PLB1: variants seen among roughly 807,000 people sequenced by gnomAD.
PLB1 encodes the protein phospholipase B1.
PLB1 carries 242 observed loss-of-function variants against 227.4 expected under a neutral mutation model. The ratio of observed to expected loss-of-function variants is 1.06; its 90% CI spans 0.96 to 1.18. The LOEUF is 1.18. Among genes scored for constraint, PLB1 ranks in the 50% most tolerant of loss-of-function variants. The pLI, the probability that PLB1 is intolerant of heterozygous loss-of-function variation, is 0.00. For synonymous variants in PLB1, 757 were observed against 682.2 expected (o/e 1.11, Z -1.71); for missense variants, 1,858 against 1,816.3 (o/e 1.02, Z -0.42).
intron 21 of PLB1, among the ~76,000 whole-genome samples, chr2:28,576,135 C>T (rs1023606114): frequency 6.6e-6 from 1 of 152,142 alleles, no homozygotes; most frequent in African/African-American, 2.4e-5. Context: ...GGGGCTCTTT[C>T]ATGCAAGCAA....
intron 20 of PLB1, among the ~76,000 whole-genome samples, chr2:28,567,674 A>C (rs529890867): frequency 6.6e-6 from 1 of 151,920 alleles, no homozygotes; most frequent in East Asian, 1.9e-4. Context: ...GGGTTTCACC[A>C]TGTTGGCCAG....
intron 43 of PLB1, among the ~76,000 whole-genome samples, chr2:28,611,187 A>G (rs925400976): frequency 2.0e-5 from 3 of 152,156 alleles, no homozygotes; most frequent in African/African-American, 4.8e-5. Context: ...TGTTCTTGCC[A>G]TGGCCTCAGT....
chr2:28,535,412 G>T (rs867688450), intron 9 of PLB1, among the ~76,000 whole-genome samples: 1 of 152,160 alleles, frequency 6.6e-6, no homozygotes, highest in Non-Finnish European at 1.5e-5. Flanking sequence ...CCTAGGCCTG[G>T]CTCCTTTGGC....
chr2:28,553,131 G>A, intron 17 of PLB1, 140 bp downstream of exon 17: 1 of 703,706 alleles, frequency 1.4e-6, no homozygotes, highest in Non-Finnish European at 2.5e-6. Context: ...TATTTGTAAA[G>A]CCATGGCTGT....
At chr2:28,626,583 C>T in intron 51 of PLB1, 75 bp downstream of exon 51, 1 of 1,351,476 alleles carries the variant, frequency 7.4e-7, no homozygotes, top group Non-Finnish European at 1.1e-6. Flanking sequence ...GCCCATCCAT[C>T]CCTGGCCCTG....
At chr2:28,635,055 A>T (rs1391442161) in intron 56 of PLB1, among the ~76,000 whole-genome samples, 1 of 152,178 alleles carries the variant, frequency 6.6e-6, no homozygotes, top group Non-Finnish European at 1.5e-5. Flanking sequence ...CAAAACGTAA[A>T]CACCGCACTG....
Position 28,578,139 on chromosome 2 carries a change from A to G in PLB1, c.1466A>G (p.Asp489Gly), listed in dbSNP as rs1679309471. ...CCTGTCCAGGCCAGGAGGCTGGTGG[A>G]CCTGATGAAGAATGACACGGTGGGT... ...DLPVQARRLV[D>G]LMKNDTRIHF... Residue 489 changes from aspartate to glycine, a missense_variant, in exon 22 of 58, where the codon GAC becomes GGC. Coordinates refer to ENST00000327757, the MANE Select transcript of PLB1 (RefSeq NM_153021.5). The G allele has an allele frequency of 6.2e-7, 1 of 1,613,992 alleles. No homozygotes were observed. The highest frequency in any genetic ancestry group is 8.5e-7 in the Non-Finnish European group (1 of 1,180,004).
At chr2:28,500,219 A>G (rs962247975) in intron 1 of PLB1, among the ~76,000 whole-genome samples, 20 of 152,326 alleles carry the variant, frequency 1.3e-4, no homozygotes, top group African/African-American at 4.6e-4. Context: ...TTCATCAAGA[A>G]TAGTTCTCTC....
intron 9 of PLB1, among the ~76,000 whole-genome samples, chr2:28,537,187 C>T (rs555520776): frequency 2.3e-4 from 35 of 152,142 alleles, no homozygotes; most frequent in Admixed American, 2.1e-3. Context: ...GAAACAGGGA[C>T]ACTGCATTTC....
chr2:28,624,804 A>G (rs951311378), intron 49 of PLB1, among the ~76,000 whole-genome samples: 2 of 150,824 alleles, frequency 1.3e-5, no homozygotes, highest in African/African-American at 4.9e-5. Context: ...GAAAGTCCTG[A>G]GGGGAGGCTT....
chr2:28,615,990 A>G (rs1686147293), intron 44 of PLB1, among the ~76,000 whole-genome samples: 1 of 152,254 alleles, frequency 6.6e-6, no homozygotes. Context: ...GACAAATACT[A>G]CATGTTCTCA....
At chr2:28,568,856 C>T (rs1677514839) in intron 20 of PLB1, among the ~76,000 whole-genome samples, 1 of 152,160 alleles carries the variant, frequency 6.6e-6, no homozygotes, top group Non-Finnish European at 1.5e-5. Context: ...CAAGTCGTTG[C>T]CCTATCCAAT....
intron 30 of PLB1, 124 bp downstream of exon 30, chr2:28,591,295 C>A: frequency 8.4e-7 from 1 of 1,192,144 alleles, no homozygotes; most frequent in Non-Finnish European, 1.2e-6. Context: ...TAAAGGCCAC[C>A]CACCTGACCT....
intron 13 of PLB1, 63 bp downstream of exon 13, chr2:28,541,874 T>C: frequency 7.4e-7 from 1 of 1,359,488 alleles, no homozygotes; most frequent in Non-Finnish European, 1.0e-6. Context: ...GGCTCACTCC[T>C]GTAATCCCAG....
At chr2:28,585,714 A>G (rs760737975) in intron 25 of PLB1, 47 bp from the exon 26 acceptor site, 3 of 1,424,224 alleles carry the variant, frequency 2.1e-6, no homozygotes, top group Non-Finnish European at 3.0e-6. Context: ...CTTATTCAGG[A>G]TGGTGATCTT....
intron 26 of PLB1, among the ~76,000 whole-genome samples, chr2:28,587,630 A>C (rs1479494573): frequency 6.6e-6 from 1 of 151,620 alleles, no homozygotes; most frequent in Non-Finnish European, 1.5e-5. Context: ...AATCAAAATC[A>C]GGCCACAGAC....
chr2:28,514,481 G>A lies in PLB1; in HGVS notation c.56-2327G>A, dbSNP rs182941552. ...TCTTGATATCCACAAAGGTTTCTAC[G>A]TCTTTTAATGGTTCCAAAAAATAAA... On this transcript the variant is annotated intron_variant, in intron 1 of 57. Coordinates refer to ENST00000327757, the MANE Select transcript of PLB1 (RefSeq NM_153021.5). Among the ~76,000 whole-genome samples the A allele has an allele frequency of 5.0e-4, 76 of 152,176 alleles. No individual in the cohort carries two copies. In the East Asian group the frequency reaches 0.01, roughly 20 times the overall value.
At chr2:28,567,266 CG>C (rs1190375228) in intron 20 of PLB1, among the ~76,000 whole-genome samples, 1 of 152,112 alleles carries the variant, frequency 6.6e-6, no homozygotes, top group Non-Finnish European at 1.5e-5. Flanking sequence ...AGATCACCCC[CG>C]CGAGAGGCAT....
rs772773747 is a variant in PLB1, at chr2:28,565,229, T to C, written c.1207-51T>C. 1.1e-5 allele frequency: 16 copies of C among 1,517,852 alleles called. No homozygotes were observed. In the East Asian group the frequency reaches 3.7e-4, roughly 35 times the overall value. The allele number at this position is 1,517,852 out of a possible 1,614,324, so 94.0% of individuals were successfully genotyped here. A position where few individuals can be genotyped will look rare whatever the true frequency, so the allele number is the denominator to read the frequency against. ...AGACCTTTTGGCAGGTAGGCAGAGG[T>C]GGGCCACTGGGGAAAGCAGAGAAAC... On this transcript the variant is annotated intron_variant, in intron 18 of 57. Transcript: ENST00000327757.
Sources: gnomAD v4.1 joint callset for allele counts (sites outside exome capture counted in the v4.1 genomes callset) on GRCh38, gnomAD v4.1.1 for gene constraint, MANE v1.5 for transcripts, NCBI Gene and HGNC (gene_info 2026-07-23, HGNC 2026-07-21) for gene names.